ATAD2B: variants seen among roughly 807,000 people sequenced by gnomAD.
ATAD2B encodes the protein ATPase family AAA domain containing 2B, also known as ATPase family AAA domain-containing protein 2B.
ATAD2B carries 40 observed loss-of-function variants against 167.6 expected under a neutral mutation model. The ratio of observed to expected loss-of-function variants is 0.24; its 90% CI spans 0.19 to 0.31. ATAD2B has a LOEUF of 0.31. ATAD2B is among the 10% of genes least tolerant of loss of function. The probability of loss-of-function intolerance (pLI) is 1.00; values close to 1 mark genes in which losing one functional copy is unlikely to be tolerated. For synonymous variants in ATAD2B, 579 were observed against 596.5 expected, an observed-to-expected ratio of 0.97 and a Z score of 0.43; for missense variants, 1,242 against 1,757.2, an observed-to-expected ratio of 0.71 and a Z score of 5.24.
chr2:23,864,954 A>G, intron 10 of ATAD2B, 30 bp from the exon 11 acceptor site: 1 of 1,284,236 alleles, frequency 7.8e-7, no homozygotes, highest in South Asian at 1.6e-5. Flanking sequence ...ATTTGATATC[A>G]AACAATTTTA....
At chr2:23,706,236 C>T in the ATAD2B span, among the ~76,000 whole-genome samples, 11 of 152,296 alleles carry the variant, frequency 7.2e-5, no homozygotes, top group African/African-American at 2.6e-4. Flanking sequence ...GTCACTCTGG[C>T]GGGGCAGGGA....
At chr2:23,684,773 T>G in the ATAD2B span, among the ~76,000 whole-genome samples, 2 of 152,126 alleles carry the variant, frequency 1.3e-5, no homozygotes, top group Non-Finnish European at 2.9e-5. This position sits in a 1 kb window ranked among gnomAD's most constrained non-coding sequence, Gnocchi z 4.4. Flanking sequence ...CCAGCTTTGC[T>G]GGTCACCAGG....
At chr2:23,739,027 C>T in the ATAD2B span, among the ~76,000 whole-genome samples, 1 of 152,180 alleles carries the variant, frequency 6.6e-6, no homozygotes, top group East Asian at 1.9e-4. Flanking sequence ...GCACCCAATA[C>T]AGGAGCACCC....
intron 22 of ATAD2B, among the ~76,000 whole-genome samples, chr2:23,781,646 C>G (rs1427781098): frequency 6.6e-6 from 1 of 151,634 alleles, no homozygotes; most frequent in Non-Finnish European, 1.5e-5. Flanking sequence ...ACTGGGGCAA[C>G]AGACGGAGAT....
the ATAD2B span, chr2:23,708,205 A>C: frequency 6.6e-6 from 1 of 152,254 alleles, no homozygotes; most frequent in Non-Finnish European, 1.5e-5. Flanking sequence ...TGTGGCTCCC[A>C]CTTGGACAAG....
chr2:23,880,306 A>G (rs1034917655), intron 7 of ATAD2B, among the ~76,000 whole-genome samples: 3 of 152,188 alleles, frequency 2.0e-5, no homozygotes, highest in African/African-American at 4.8e-5. Context: ...CATAAAACCT[A>G]TAAGAGATTG....
At chr2:23,916,571 T>C (rs573103755) in intron 1 of ATAD2B, among the ~76,000 whole-genome samples, 6 of 152,158 alleles carry the variant, frequency 3.9e-5, no homozygotes, top group East Asian at 1.9e-4. Context: ...CCAGATAATA[T>C]GCAAGAAAGT....
chr2:23,829,798 T>C (rs13020533), intron 14 of ATAD2B, among the ~76,000 whole-genome samples: 2,364 of 152,266 alleles, frequency 0.016, 26 homozygotes, highest in Non-Finnish European at 0.023. Context: ...CTTTGTCAGT[T>C]AGTTGATGCT....
At chr2:23,684,788 T>G in the ATAD2B span, among the ~76,000 whole-genome samples, 1 of 152,194 alleles carries the variant, frequency 6.6e-6, no homozygotes, top group Admixed American at 6.5e-5. This position sits in a 1 kb window ranked among gnomAD's most constrained non-coding sequence, Gnocchi z 4.4. Flanking sequence ...ACCAGGGGCC[T>G]CTGCCAGCAG....
At chr2:23,820,774 T>C (rs1040225127) in intron 16 of ATAD2B, among the ~76,000 whole-genome samples, 9 of 152,188 alleles carry the variant, frequency 5.9e-5, no homozygotes, top group Admixed American at 2.0e-4. Context: ...GTGAAACTCT[T>C]GTCTCTACTA....
chr2:23,860,943 C>T (rs895848790), intron 12 of ATAD2B, among the ~76,000 whole-genome samples: 2 of 152,022 alleles, frequency 1.3e-5, no homozygotes, highest in Non-Finnish European at 2.9e-5. Flanking sequence ...TGCACTCCAG[C>T]CCGGGCGACA....
Position 23,880,643 on chromosome 2 carries a change from T to G in ATAD2B, c.897A>C (p.Pro299=). Reference sequence around the variant, plus strand: ...AAGTTATTTAGAGTTGCCTACCTATTGGAGGTGCTTGGTATCGATCCACTG... The same window carrying G: ...AAGTTATTTAGAGTTGCCTACCTATGGGAGGTGCTTGGTATCGATCCACTG... ...RKTVDRYQAP[P]IVPAHQKKRE... Residue 299 remains proline, a synonymous_variant, in exon 7 of 28, where the codon CCA becomes CCC. Coordinates refer to ENST00000238789, the MANE Select transcript of ATAD2B (RefSeq NM_017552.4). 2 of 1,582,100 alleles carry G rather than the reference T, an allele frequency of 1.3e-6. No homozygotes were observed. The highest frequency in any genetic ancestry group is 1.7e-6 in the Non-Finnish European group (2 of 1,156,198).
At chr2:23,780,492 T>G (rs1331779731) in intron 22 of ATAD2B, among the ~76,000 whole-genome samples, 1 of 152,176 alleles carries the variant, frequency 6.6e-6, no homozygotes, top group Admixed American at 6.5e-5. Flanking sequence ...AATCTGTGAT[T>G]TATTATGGTT....
In ATAD2B at chr2:23,857,106, G is replaced by A. The variant is rs535730791; in HGVS notation, c.1568+309C>T. Among the ~76,000 whole-genome samples, 76 of 152,008 alleles carry A rather than the reference G, an allele frequency of 5.0e-4. 1 individual carries two copies. Among genetic ancestry groups the A allele is most frequent in the South Asian group, 1.5e-3 (7 of 4,800 alleles). ...TAGTAAATGTTTTAAACTTTGCAACGCATTCGGTCTCTCTATCACAGCTGC... is the reference window on the plus strand; with the variant it reads ...TAGTAAATGTTTTAAACTTTGCAACACATTCGGTCTCTCTATCACAGCTGC... On this transcript the variant is annotated intron_variant, in intron 13 of 27. Coordinates refer to ENST00000238789, the MANE Select transcript of ATAD2B (RefSeq NM_017552.4).
the ATAD2B span, among the ~76,000 whole-genome samples, chr2:23,716,437 C>CGTT: frequency 1.0e-5 from 1 of 97,518 alleles, no homozygotes; most frequent in Non-Finnish European, 2.3e-5. Context: ...TGGGACCTTT[C>CGTT]ATTGTTGTTG....
At chr2:23,821,477 C>A (rs1302769187) in intron 16 of ATAD2B, among the ~76,000 whole-genome samples, 1 of 152,144 alleles carries the variant, frequency 6.6e-6, no homozygotes, top group African/African-American at 2.4e-5. Context: ...CCTCTGTCTG[C>A]CAAATTTAAG....
At chr2:23,686,186 G>A in the ATAD2B span, among the ~76,000 whole-genome samples, 1 of 152,132 alleles carries the variant, frequency 6.6e-6, no homozygotes, top group Admixed American at 6.5e-5. Context: ...GGGCTGCACT[G>A]GGGCAGGCAA....
intron 1 of ATAD2B, among the ~76,000 whole-genome samples, chr2:23,898,921 G>C (rs1700451673): frequency 6.6e-6 from 1 of 152,146 alleles, no homozygotes; most frequent in Non-Finnish European, 1.5e-5. Flanking sequence ...GGCCGAGGCG[G>C]GTGGATCACC....
chr2:23,915,231 A>C (rs1702866339), intron 1 of ATAD2B, among the ~76,000 whole-genome samples: 2 of 152,182 alleles, frequency 1.3e-5, no homozygotes, highest in Admixed American at 1.3e-4. Flanking sequence ...ATGAAAACTT[A>C]AAAGACATAT....
Sources: allele counts gnomAD v4.1 joint callset (sites outside exome capture counted in the v4.1 genomes callset), GRCh38; gene constraint gnomAD v4.1.1; non-coding constraint Gnocchi (gnomAD v3.1); transcripts MANE v1.5; gene names NCBI Gene and HGNC (gene_info 2026-07-23, HGNC 2026-07-21).